The following TPRG1 variants were observed in gnomAD, a reference collection of about 807,000 sequenced individuals.
The protein encoded by TPRG1 is tumor protein p63-regulated gene 1 protein.
A neutral mutation model predicts 29.3 loss-of-function variants in TPRG1; 29 were observed. The ratio of observed to expected loss-of-function variants is 0.99; its 90% CI spans 0.74 to 1.35. The LOEUF is 1.35. Ranked by LOEUF, TPRG1 falls within the 40% of genes most tolerant of loss-of-function variation. The pLI is 0.00. For synonymous variants in TPRG1, 130 were observed against 116.8 expected (o/e 1.11, Z -0.73); for missense variants, 327 against 335.0 (o/e 0.98, Z 0.19).
intron 4 of TPRG1, among the ~76,000 whole-genome samples, chr3:189,080,532 C>T (rs954176297): frequency 2.6e-5 from 4 of 152,086 alleles, no homozygotes; most frequent in Non-Finnish European, 4.4e-5. Flanking sequence ...GAACCTTATT[C>T]CCTTGTAGTG....
chr3:189,073,122 G>A (rs1716908120), intron 4 of TPRG1, among the ~76,000 whole-genome samples: 1 of 152,190 alleles, frequency 6.6e-6, no homozygotes, highest in South Asian at 2.1e-4. Context: ...GGTACTAGAT[G>A]TGTTCATTTC....
chr3:189,253,782 T>G lies in TPRG1; in HGVS notation c.479+14873T>G, dbSNP rs184387185. Reference sequence around the variant, plus strand: ...CATCTGTCGTTTCCTAACTTTTTAATGATCACAATTCTAACTGGCATGAGA... The same window carrying G: ...CATCTGTCGTTTCCTAACTTTTTAAGGATCACAATTCTAACTGGCATGAGA... On this transcript the variant is annotated intron_variant, in intron 4 of 5. Transcript: ENST00000345063. Among the ~76,000 whole-genome samples the G allele has an allele frequency of 1.3e-4, 20 of 152,384 alleles. No individual in the cohort carries two copies. In the East Asian group the frequency reaches 2.9e-3, roughly 22 times the overall value.
chr3:189,170,206 G>T (rs1052485134), upstream of TPRG1, among the ~76,000 whole-genome samples: 1 of 152,160 alleles, frequency 6.6e-6, no homozygotes. Context: ...GAGTGGGAAC[G>T]GTATTTGCCT....
At chr3:189,135,140 G>A (rs1416744925) in intron 3 of TPRG1, among the ~76,000 whole-genome samples, 3 of 151,850 alleles carry the variant, frequency 2.0e-5, no homozygotes, top group African/African-American at 7.3e-5. Context: ...GCAGTCAGTA[G>A]CCAGAGACTT....
chr3:189,060,893 C>A (rs1438912123), intron 4 of TPRG1, among the ~76,000 whole-genome samples: 1 of 152,146 alleles, frequency 6.6e-6, no homozygotes, highest in Admixed American at 6.6e-5. Context: ...GGATTCAACA[C>A]TACTCCTCTC....
chr3:189,257,123 G>T (rs904610077), intron 4 of TPRG1, among the ~76,000 whole-genome samples: 8 of 152,092 alleles, frequency 5.3e-5, no homozygotes, highest in Non-Finnish European at 8.8e-5. Context: ...ATTTTGGTTT[G>T]GTTTTGCAGT....
At chr3:189,028,635 G>C (rs16863894) in intron 4 of TPRG1, among the ~76,000 whole-genome samples, 2,636 of 152,222 alleles carry the variant, frequency 0.017, 73 homozygotes, top group African/African-American at 0.06. Context: ...CCTTTCCCTT[G>C]CAAGTATCAG....
At chr3:189,211,333 A>C (rs954460271) in intron 2 of TPRG1, among the ~76,000 whole-genome samples, 1 of 152,210 alleles carries the variant, frequency 6.6e-6, no homozygotes, top group African/African-American at 2.4e-5. Flanking sequence ...ATATTGCTCA[A>C]TTTCTCCAGT....
intron 3 of TPRG1, among the ~76,000 whole-genome samples, chr3:189,224,744 C>T (rs1291945369): frequency 2.0e-5 from 3 of 151,974 alleles, no homozygotes; most frequent in African/African-American, 7.3e-5. Flanking sequence ...CACTCTGGTC[C>T]GTGTTTTTTT....
intron 5 of TPRG1, among the ~76,000 whole-genome samples, chr3:189,312,185 T>TTTCTTTCTTTCTTTC (rs1560689700): frequency 1.7e-4 from 8 of 47,374 alleles, no homozygotes; most frequent in Non-Finnish European, 3.2e-4. Context: ...TTCTTTCTTT[T>TTTCTTTCTTTCTTTC]TTTCTTTCTT....
At chr3:189,108,318 T>C (rs1304261774) in intron 1 of TPRG1, among the ~76,000 whole-genome samples, 3 of 152,128 alleles carry the variant, frequency 2.0e-5, no homozygotes, top group Non-Finnish European at 2.9e-5. Flanking sequence ...CAGCAACTTA[T>C]AGAACATGGA....
intron 1 of TPRG1, among the ~76,000 whole-genome samples, chr3:189,204,768 A>T (rs916567229): frequency 3.9e-5 from 6 of 152,166 alleles, no homozygotes; most frequent in African/African-American, 1.2e-4. Context: ...CCAATGGCAC[A>T]AACCTTCCTT....
intron 4 of TPRG1, among the ~76,000 whole-genome samples, chr3:189,262,930 G>A (rs1191706831): frequency 1.3e-5 from 2 of 152,254 alleles, no homozygotes; most frequent in South Asian, 2.1e-4. Flanking sequence ...CCGTGAGGCT[G>A]CTGACAGCAT....
intron 4 of TPRG1, among the ~76,000 whole-genome samples, chr3:189,298,367 G>A (rs115464349): frequency 1.6e-3 from 245 of 152,312 alleles, no homozygotes; most frequent in African/African-American, 5.6e-3. Flanking sequence ...AACCAGTGAT[G>A]AGATAGACCC....
At chr3:189,258,748 G>A (rs1029762095) in intron 4 of TPRG1, among the ~76,000 whole-genome samples, 6 of 152,154 alleles carry the variant, frequency 3.9e-5, no homozygotes, top group South Asian at 2.1e-4. Context: ...GCAGTTTTGC[G>A]GCGCTGCAGT....
chr3:189,200,405 A>C (rs1002132564), intron 1 of TPRG1, among the ~76,000 whole-genome samples: 4 of 152,248 alleles, frequency 2.6e-5, no homozygotes, highest in African/African-American at 9.6e-5. Context: ...GGAAGCCTGC[A>C]CACATAAATT....
chr3:189,320,301 A>G lies in TPRG1; in HGVS notation c.634-325A>G, dbSNP rs911627179. 5.3e-5 allele frequency among the ~76,000 whole-genome samples: 8 copies of G among 152,234 alleles called. No homozygotes were observed. The South Asian group carries it at 1.0e-3, about 20-fold the overall frequency. ...ACTAATACCGATGCAAATTATTTGT[A>G]TACTAACAAAATATTAAAGCAGCTA... On this transcript the variant is annotated intron_variant, in intron 5 of 5. Coordinates refer to ENST00000345063, the MANE Select transcript of TPRG1 (RefSeq NM_198485.4).
At chr3:189,215,986 C>T (rs1185862541) in intron 3 of TPRG1, among the ~76,000 whole-genome samples, 2 of 152,076 alleles carry the variant, frequency 1.3e-5, no homozygotes, top group Non-Finnish European at 2.9e-5. Context: ...TTGCAAATAC[C>T]ACCACAAAGA....
At chr3:189,024,442 C>G (rs1713547877) in intron 4 of TPRG1, among the ~76,000 whole-genome samples, 1 of 152,198 alleles carries the variant, frequency 6.6e-6, no homozygotes, top group African/African-American at 2.4e-5. Flanking sequence ...AAAACTCTGT[C>G]TATATAATAT....
Sources: gnomAD v4.1 joint callset for allele counts (sites outside exome capture counted in the v4.1 genomes callset) on GRCh38, gnomAD v4.1.1 for gene constraint, MANE v1.5 for transcripts, NCBI Gene and HGNC (gene_info 2026-07-23, HGNC 2026-07-21) for gene names.